The following TLL1 variants were observed in gnomAD, a reference collection of about 807,000 sequenced individuals.
The protein encoded by TLL1 is tolloid like 1, also known as tolloid-like protein 1.
In TLL1, 49 loss-of-function variants were observed where a neutral mutation model predicts 128.2. The observed-to-expected ratio is 0.38, with a 90% CI of 0.30 to 0.48. TLL1 has a LOEUF of 0.48. TLL1 is among the 20% of genes least tolerant of loss of function. The pLI, the probability that TLL1 is intolerant of heterozygous loss-of-function variation, is 0.96. For synonymous variants in TLL1, 454 were observed against 418.8 expected (o/e 1.08, Z -1.03); for missense variants, 1,123 against 1,242.0 (o/e 0.90, Z 1.44).
At position 165,874,072 on chromosome 4, in the gene TLL1, C is replaced by T. The variant is rs372777602; in HGVS notation, c.168C>T (p.Ala56=). ...ETIDYKDPCK[A]AVFWGDIALD... ...TAGATTACAAGGACCCGTGTAAAGC[C>T]GGTAAGTGGCTCTCCAGGTTGGGAC... is the stretch of plus-strand genomic sequence containing the variant. Residue 56 remains alanine (A), a splice_region_variant and synonymous_variant, in exon 1 of 21, where the codon GCC becomes GCT. Coordinates refer to ENST00000061240, the MANE Select transcript of TLL1 (RefSeq NM_012464.5). 1.2e-6 allele frequency: 2 copies of T among 1,613,958 alleles called. No individual in the cohort carries two copies. The highest frequency in any genetic ancestry group is 2.7e-5 in the African/African-American group (2 of 74,918).
At chr4:165,887,264 A>T (rs1355447799) in intron 1 of TLL1, among the ~76,000 whole-genome samples, 3 of 152,010 alleles carry the variant, frequency 2.0e-5, no homozygotes, top group Non-Finnish European at 4.4e-5. Context: ...AAGTAATGAG[A>T]AAGTGGGAGG....
intron 1 of TLL1, among the ~76,000 whole-genome samples, chr4:165,924,957 C>T (rs1733202290): frequency 6.6e-6 from 1 of 152,176 alleles, no homozygotes; most frequent in South Asian, 2.1e-4. Flanking sequence ...CACCTGTTTA[C>T]AGCATGGTTT....
At chr4:166,010,141 T>C (rs1209022989) in intron 7 of TLL1, among the ~76,000 whole-genome samples, 1 of 151,446 alleles carries the variant, frequency 6.6e-6, no homozygotes, top group Non-Finnish European at 1.5e-5. Flanking sequence ...TGTTGTAGCA[T>C]GTGAAAGTAT....
At chr4:165,931,843 A>T (rs1291742954) in intron 1 of TLL1, among the ~76,000 whole-genome samples, 1 of 152,212 alleles carries the variant, frequency 6.6e-6, no homozygotes, top group Non-Finnish European at 1.5e-5. Flanking sequence ...GCAAAGACAA[A>T]TTCTTAGCAG....
intron 1 of TLL1, among the ~76,000 whole-genome samples, chr4:165,938,911 G>T (rs927129594): frequency 6.6e-6 from 1 of 151,148 alleles, no homozygotes; most frequent in South Asian, 2.1e-4. Flanking sequence ...CTTGCTTCAT[G>T]GTTGCAATGT....
At chr4:165,995,329 G>GGTATGT in intron 5 of TLL1, 151 bp downstream of exon 5, 1 of 666,452 alleles carries the variant, frequency 1.5e-6, no homozygotes, top group Non-Finnish European at 2.7e-6. Flanking sequence ...TTATATACTA[G>GGTATGT]GTATGTGTAT....
intron 1 of TLL1, among the ~76,000 whole-genome samples, chr4:165,943,620 A>G (rs1400213307): frequency 6.6e-6 from 1 of 152,024 alleles, no homozygotes; most frequent in Non-Finnish European, 1.5e-5. Context: ...AGCTGTGGTT[A>G]TTTGGAAATT....
At chr4:166,016,412 T>C (rs1737950012) in intron 8 of TLL1, among the ~76,000 whole-genome samples, 1 of 152,056 alleles carries the variant, frequency 6.6e-6, no homozygotes, top group African/African-American at 2.4e-5. Flanking sequence ...ATACATTACA[T>C]TTGAGAAGCA....
At chr4:166,063,491 G>T (rs1740431980) in intron 15 of TLL1, among the ~76,000 whole-genome samples, 1 of 152,138 alleles carries the variant, frequency 6.6e-6, no homozygotes, top group Non-Finnish European at 1.5e-5. Context: ...CCATTACGGG[G>T]TATATACCCA....
chr4:165,914,514 G>T (rs1207929653), intron 1 of TLL1, among the ~76,000 whole-genome samples: 1 of 152,208 alleles, frequency 6.6e-6, no homozygotes, highest in East Asian at 1.9e-4. Context: ...CAATGTCCTT[G>T]TGAAGAACTG....
Position 165,994,442 on chromosome 4 carries a change from G to A in TLL1, c.423G>A (p.Glu141=). ...CTCTACAATTCTCAGGGCAAAATGA[G>A]AAAAATCGAGTTCCCAGAGCCGCTA... ...KVPLQFSGQN[E]KNRVPRAATS... Residue 141 remains glutamate (E), a synonymous_variant, in exon 4 of 21, where the codon GAG becomes GAA. Coordinates refer to ENST00000061240, the MANE Select transcript of TLL1 (RefSeq NM_012464.5). 1 of 1,613,974 alleles carries A rather than the reference G, an allele frequency of 6.2e-7. No homozygotes were observed. The highest frequency in any genetic ancestry group is 8.5e-7 in the Non-Finnish European group (1 of 1,179,918).
chr4:165,965,013 A>G (rs1302990974), intron 1 of TLL1, among the ~76,000 whole-genome samples: 1 of 152,160 alleles, frequency 6.6e-6, no homozygotes, highest in Non-Finnish European at 1.5e-5. Context: ...TTACCCATGT[A>G]TAATTTTAAG....
intron 5 of TLL1, among the ~76,000 whole-genome samples, chr4:165,998,233 T>A (rs11944960): frequency 0.02 from 3,058 of 152,290 alleles, 107 homozygotes; most frequent in African/African-American, 0.07. Flanking sequence ...GATTTCATTC[T>A]TTGTGAGAGA....
intron 1 of TLL1, among the ~76,000 whole-genome samples, chr4:165,979,515 C>G (rs1352456409): frequency 1.3e-5 from 2 of 151,984 alleles, no homozygotes; most frequent in Admixed American, 6.6e-5. Context: ...GAAACATGTA[C>G]AGGAGTGACA....
At chr4:166,091,363 T>A in intron 19 of TLL1, 22 bp downstream of exon 19, 1 of 1,603,098 alleles carries the variant, frequency 6.2e-7, no homozygotes, top group Non-Finnish European at 8.5e-7. Flanking sequence ...CAAGTCATGC[T>A]TCTCTTTTTT....
chr4:165,960,471 G>C (rs1038284226), intron 1 of TLL1, among the ~76,000 whole-genome samples: 4 of 152,080 alleles, frequency 2.6e-5, no homozygotes, highest in African/African-American at 9.7e-5. Flanking sequence ...TAGGAAGCCA[G>C]CATTATCCTG....
intron 1 of TLL1, among the ~76,000 whole-genome samples, chr4:165,924,536 A>T (rs1733183335): frequency 6.6e-6 from 1 of 152,234 alleles, no homozygotes; most frequent in South Asian, 2.1e-4. Context: ...GGAGGCTAGC[A>T]GAGGTTAGCT....
chr4:166,098,472 C>T (rs1038446674), intron 19 of TLL1, among the ~76,000 whole-genome samples: 40 of 151,732 alleles, frequency 2.6e-4, no homozygotes, highest in African/African-American at 9.2e-4. Flanking sequence ...GGTGTATTTA[C>T]CTTGAGCAAC....
intron 7 of TLL1, among the ~76,000 whole-genome samples, chr4:166,009,274 C>T (rs1369688199): frequency 6.6e-6 from 1 of 151,336 alleles, no homozygotes; most frequent in Non-Finnish European, 1.5e-5. Flanking sequence ...TATTTAGGTT[C>T]CAGTTCAGTC....
Sources: gnomAD v4.1 joint callset for allele counts (sites outside exome capture counted in the v4.1 genomes callset) on GRCh38, gnomAD v4.1.1 for gene constraint, MANE v1.5 for transcripts, NCBI Gene and HGNC (gene_info 2026-07-23, HGNC 2026-07-21) for gene names.